The following CPAMD8 variants were observed in gnomAD, a reference collection of about 807,000 sequenced individuals.
CPAMD8 encodes C3 and PZP like alpha-2-macroglobulin domain containing 8.
CPAMD8 carries 146 observed loss-of-function variants against 224.7 expected under a neutral mutation model. The observed-to-expected ratio is 0.65, with a 90% CI of 0.57 to 0.75. CPAMD8 has a LOEUF of 0.75. Ranked by LOEUF, CPAMD8 falls within the 30% of genes least tolerant of loss-of-function variation. CPAMD8 has a pLI of 0.00. For synonymous variants in CPAMD8, 966 were observed against 1,044.6 expected, an observed-to-expected ratio of 0.92 and a Z score of 1.45; for missense variants, 2,301 against 2,537.5, an observed-to-expected ratio of 0.91 and a Z score of 2.00.
At position 16,997,973 on chromosome 19, in the gene CPAMD8, C is replaced by T. The variant is rs192084552; in HGVS notation, c.868-635G>A. 2.3e-3 allele frequency among the ~76,000 whole-genome samples: 345 copies of T among 152,332 alleles called. 1 individual carries two copies. Among genetic ancestry groups the T allele is most frequent in the African/African-American group, 8.1e-3 (335 of 41,580 alleles). Reference sequence around the variant, plus strand: ...TTCAATTCCTATCTCAGGATCCCACCCTGGGACTTGGCAAATAATCCTCAT... The same window carrying T: ...TTCAATTCCTATCTCAGGATCCCACTCTGGGACTTGGCAAATAATCCTCAT... On this transcript the variant is annotated intron_variant, in intron 10 of 41. Coordinates refer to ENST00000443236, the MANE Select transcript of CPAMD8 (RefSeq NM_015692.5).
At chr19:17,012,762 C>G (rs1157990748) in intron 3 of CPAMD8, among the ~76,000 whole-genome samples, 1 of 152,236 alleles carries the variant, frequency 6.6e-6, no homozygotes, top group African/African-American at 2.4e-5. Context: ...CAAGAACTGT[C>G]TCCCTTCTTG....
At chr19:16,936,676 G>T (rs747387007) in intron 23 of CPAMD8, among the ~76,000 whole-genome samples, 5 of 152,058 alleles carry the variant, frequency 3.3e-5, no homozygotes, top group Non-Finnish European at 7.4e-5. Context: ...CAAAGTGCTG[G>T]GATTACAGGT....
intron 13 of CPAMD8, among the ~76,000 whole-genome samples, chr19:16,984,847 A>G (rs1458940976): frequency 6.6e-6 from 1 of 152,224 alleles, no homozygotes; most frequent in Non-Finnish European, 1.5e-5. Context: ...CCTAAAAACC[A>G]AGTACATACA....
intron 22 of CPAMD8, among the ~76,000 whole-genome samples, chr19:16,941,426 T>A (rs1362929426): frequency 6.6e-6 from 1 of 152,134 alleles, no homozygotes; most frequent in African/African-American, 2.4e-5. Flanking sequence ...GAAGCCAGAC[T>A]CAAAAGGCCA....
At chr19:16,939,978 T>A (rs995964606) in intron 22 of CPAMD8, among the ~76,000 whole-genome samples, 1 of 152,070 alleles carries the variant, frequency 6.6e-6, no homozygotes. Context: ...AATGGCGCGA[T>A]CTCGGTTCAC....
chr19:16,921,625 C>T (rs962219495), intron 27 of CPAMD8, among the ~76,000 whole-genome samples: 1 of 152,138 alleles, frequency 6.6e-6, no homozygotes, highest in Non-Finnish European at 1.5e-5. Context: ...CCAGGGCATC[C>T]AGGGCTCACT....
intron 23 of CPAMD8, among the ~76,000 whole-genome samples, chr19:16,937,510 C>T (rs1336555431): frequency 6.6e-6 from 1 of 152,122 alleles, no homozygotes; most frequent in African/African-American, 2.4e-5. Flanking sequence ...GAGTCTCACT[C>T]TGTCACCCAG....
chr19:17,022,799 C>T (rs1268099941), intron 1 of CPAMD8, among the ~76,000 whole-genome samples: 2 of 152,104 alleles, frequency 1.3e-5, no homozygotes, highest in Non-Finnish European at 2.9e-5. Context: ...ACGCCTGGCC[C>T]TTCTGGCCCA....
chr19:16,929,334 G>A (rs2144965688), intron 23 of CPAMD8, 94 bp from the exon 24 acceptor site: 1 of 1,008,738 alleles, frequency 9.9e-7, no homozygotes, highest in African/African-American at 1.6e-5. Context: ...AGGACCACAA[G>A]GAGTGGGTCT....
chr19:17,006,895 T>A (rs140760566), intron 7 of CPAMD8, among the ~76,000 whole-genome samples: 1 of 152,168 alleles, frequency 6.6e-6, no homozygotes, highest in African/African-American at 2.4e-5. Context: ...GGCTGTTTAG[T>A]TCATGTTTGC....
At chr19:16,941,364 C>G (rs577833130) in intron 22 of CPAMD8, among the ~76,000 whole-genome samples, 1 of 139,148 alleles carries the variant, frequency 7.2e-6, no homozygotes, top group South Asian at 2.3e-4. Flanking sequence ...GAAGCAAGCA[C>G]GTATCTATGC....
At chr19:17,016,029 G>A (rs151124484) in intron 3 of CPAMD8, among the ~76,000 whole-genome samples, 7 of 152,244 alleles carry the variant, frequency 4.6e-5, no homozygotes, top group African/African-American at 9.6e-5. Flanking sequence ...CTGCAACCTC[G>A]ATCTCCTGGA....
At chr19:17,013,972 C>T (rs1366646447) in intron 3 of CPAMD8, among the ~76,000 whole-genome samples, 2 of 137,702 alleles carry the variant, frequency 1.5e-5, no homozygotes, top group Admixed American at 1.7e-4. Flanking sequence ...TTCTTCCTTC[C>T]TTCCATCCTT....
intron 19 of CPAMD8, among the ~76,000 whole-genome samples, chr19:16,954,903 C>T (rs905869677): frequency 5.9e-5 from 9 of 151,500 alleles, no homozygotes; most frequent in East Asian, 1.9e-4. Flanking sequence ...CCGAGGCGGG[C>T]GGATCACGAG....
At chr19:16,947,968 T>C (rs1376494765) in intron 20 of CPAMD8, among the ~76,000 whole-genome samples, 1 of 152,224 alleles carries the variant, frequency 6.6e-6, no homozygotes, top group African/African-American at 2.4e-5. Context: ...TGTATACATG[T>C]ATCATGCATG....
rs555737412 is a variant in CPAMD8, at chr19:16,945,568, C to G, written c.2774G>C (p.Arg925Thr). Reference sequence around the variant, plus strand: ...CCTTACCTCAACCATCACACTGCGCCTGACGTGATCCACCCCGATGGGGAC... The same window carrying G: ...CCTTACCTCAACCATCACACTGCGCGTGACGTGATCCACCCCGATGGGGAC... ...RRVPIGVDHV[R>T]RSVMVEAEGV... The change falls in exon 22 of 42, where the codon AGG (arginine) becomes ACG (threonine). Residue 925 changes from arginine to threonine, a missense_variant. Transcript: ENST00000443236. 4.5e-5 allele frequency: 73 copies of G among 1,614,058 alleles called. No individual in the cohort carries two copies. Among genetic ancestry groups the G allele is most frequent in the Non-Finnish European group, 6.0e-5 (71 of 1,179,982 alleles).
chr19:16,903,911 T>C, intron 32 of CPAMD8, 54 bp from the exon 33 acceptor site: 1 of 1,559,256 alleles, frequency 6.4e-7, no homozygotes, highest in Non-Finnish European at 8.8e-7. Context: ...TGGCCAGTGG[T>C]CCCCTGAACC....
At position 16,927,991 on chromosome 19, in the gene CPAMD8, G is replaced by A; in HGVS notation, c.3370+18C>T. On this transcript the variant is annotated intron_variant, in intron 25 of 41. Transcript: ENST00000443236. ...TTGCCCCCTGACCTCTCCAAGCCAG[G>A]CTGTGGGACAGACGCACCGATGATG... 6.3e-7 allele frequency: 1 copy of A among 1,581,702 alleles called. No individual in the cohort carries two copies. The highest frequency in any genetic ancestry group is 8.7e-7 in the Non-Finnish European group (1 of 1,150,634).
chr19:17,026,008 G>A lies in CPAMD8; in HGVS notation c.92+543C>T, dbSNP rs371204749. Among the ~76,000 whole-genome samples, 58 of 152,228 alleles carry A rather than the reference G, an allele frequency of 3.8e-4. 1 individual carries two copies. The highest frequency in any genetic ancestry group is 1.4e-3 in the African/African-American group (57 of 41,556). On this transcript the variant is annotated intron_variant, in intron 1 of 41. Coordinates refer to ENST00000443236, the MANE Select transcript of CPAMD8 (RefSeq NM_015692.5). ...CCCCCTGAACCCGCAGCCCTGCAGA[G>A]CTCACCCGAACTTGCCAGGTTTAGA...
Sources: allele counts gnomAD v4.1 joint callset (sites outside exome capture counted in the v4.1 genomes callset), GRCh38; gene constraint gnomAD v4.1.1; transcripts MANE v1.5; gene names NCBI Gene and HGNC (gene_info 2026-07-23, HGNC 2026-07-21).